THSD4: variants seen among roughly 807,000 people sequenced by gnomAD.
THSD4 encodes the protein thrombospondin type-1 domain-containing protein 4.
Under a neutral mutation model 119.0 loss-of-function variants are expected in THSD4, and 69 were observed. That is an observed-to-expected ratio of 0.58 (90% CI 0.48 to 0.71). The LOEUF is 0.71. THSD4 is among the 30% of genes least tolerant of loss of function. The pLI is 0.00. For missense variants in THSD4, 1,393 were observed against 1,391.1 expected (o/e 1.00, Z -0.02); for synonymous variants, 524 against 540.4 (o/e 0.97, Z 0.42).
intron 7 of THSD4, among the ~76,000 whole-genome samples, chr15:71,476,646 G>A (rs1188776068): frequency 6.6e-6 from 1 of 152,172 alleles, no homozygotes; most frequent in African/African-American, 2.4e-5. Context: ...TGTCTTCAAG[G>A]CAACAAGGCA....
At chr15:71,331,849 C>T (rs913133030) in intron 6 of THSD4, among the ~76,000 whole-genome samples, 2 of 142,362 alleles carry the variant, frequency 1.4e-5, no homozygotes, top group African/African-American at 5.2e-5. Flanking sequence ...GGACTGCCTA[C>T]TTGTCCCTTG....
chr15:71,615,890 T>C (rs1323511338), intron 7 of THSD4, among the ~76,000 whole-genome samples: 2 of 152,180 alleles, frequency 1.3e-5, no homozygotes, highest in African/African-American at 4.8e-5. Context: ...TGGATGAATA[T>C]GTTCTCAGAG....
rs867027776 is a variant in THSD4, at chr15:71,250,026, C to T, written c.913-6587C>T. Among the ~76,000 whole-genome samples, 4 of 152,296 alleles carry T rather than the reference C, an allele frequency of 2.6e-5. No homozygotes were observed. In the South Asian group the frequency reaches 6.2e-4, roughly 24 times the overall value. On this transcript the variant is annotated intron_variant, in intron 5 of 17. Transcript: ENST00000261862. ...AAAAATCAGTTAACTCCTTCCTTTG[C>T]AAGGTTAGAAATGTTGTGTCCAAAC...
chr15:71,369,448 T>C (rs1184091701), intron 6 of THSD4, among the ~76,000 whole-genome samples: 1 of 152,234 alleles, frequency 6.6e-6, no homozygotes, highest in African/African-American at 2.4e-5. Context: ...TATTTTGAGA[T>C]ACGTCCCATC....
chr15:71,755,559 T>C (rs952796007), intron 14 of THSD4, among the ~76,000 whole-genome samples: 1 of 151,960 alleles, frequency 6.6e-6, no homozygotes, highest in Non-Finnish European at 1.5e-5. Context: ...TAGAAAGTGC[T>C]AATAGATAAG....
chr15:71,357,018 G>A (rs1440696780), intron 6 of THSD4, among the ~76,000 whole-genome samples: 1 of 152,202 alleles, frequency 6.6e-6, no homozygotes, highest in African/African-American at 2.4e-5. Context: ...TTTGGGGTAA[G>A]AAGAGCATAT....
chr15:71,525,413 G>A (rs2048504351), intron 7 of THSD4, among the ~76,000 whole-genome samples: 1 of 152,192 alleles, frequency 6.6e-6, no homozygotes, highest in African/African-American at 2.4e-5. Context: ...GGTAAGACTT[G>A]CAAGTGGAAA....
chr15:71,562,698 CT>C (rs34555744), intron 7 of THSD4, among the ~76,000 whole-genome samples: 10 of 125,268 alleles, frequency 8.0e-5, no homozygotes, highest in African/African-American at 2.9e-4. Context: ...ACCTTTGGTC[CT>C]TTTTTTTTTT....
chr15:71,153,127 T>G (rs2040741609), intron 2 of THSD4, among the ~76,000 whole-genome samples: 1 of 152,196 alleles, frequency 6.6e-6, no homozygotes, highest in Non-Finnish European at 1.5e-5. Context: ...GCACCAATCC[T>G]TGTACCCCCA....
intron 3 of THSD4, among the ~76,000 whole-genome samples, chr15:71,193,512 GA>G (rs776398337): frequency 4.7e-4 from 72 of 152,210 alleles, no homozygotes; most frequent in Middle Eastern, 3.4e-3. Context: ...CCAGGTCACA[GA>G]ACCTTGGTTA....
chr15:71,729,582 C>G (rs528001852), intron 9 of THSD4: 2 of 151,872 alleles, frequency 1.3e-5, no homozygotes, highest in African/African-American at 2.4e-5. Context: ...CTAGTAGACT[C>G]GAAATTACAA....
intron 7 of THSD4, among the ~76,000 whole-genome samples, chr15:71,565,216 T>C (rs529672525): frequency 6.6e-6 from 1 of 152,300 alleles, no homozygotes; most frequent in African/African-American, 2.4e-5. Context: ...CAGGCTGAAG[T>C]CCTGGGCACA....
At chr15:71,262,636 G>C (rs1318508696) in intron 6 of THSD4, among the ~76,000 whole-genome samples, 1 of 21,240 alleles carries the variant, frequency 4.7e-5, no homozygotes, top group Non-Finnish European at 9.8e-5. Flanking sequence ...GTGTGTCCCT[G>C]AGAGCTGAAC....
intron 7 of THSD4, among the ~76,000 whole-genome samples, chr15:71,554,255 A>AATTTTTTTTTTTGT (rs565103964): frequency 2.6e-3 from 399 of 150,682 alleles, no homozygotes; most frequent in Admixed American, 6.2e-3. Context: ...ATGCCCGGCT[A>AATTTTTTTTTTTGT]ATTTTTTTTT....
chr15:71,589,650 A>G (rs2049757716), intron 7 of THSD4, among the ~76,000 whole-genome samples: 1 of 139,692 alleles, frequency 7.2e-6, no homozygotes, highest in African/African-American at 2.5e-5. Context: ...GAGCCACTAC[A>G]CTTGGCCTAA....
intron 7 of THSD4, among the ~76,000 whole-genome samples, chr15:71,452,941 C>A (rs1187664092): frequency 6.6e-6 from 1 of 152,084 alleles, no homozygotes; most frequent in African/African-American, 2.4e-5. Context: ...TAGATGAGGT[C>A]ATGAGGATAG....
intron 4 of THSD4, among the ~76,000 whole-genome samples, chr15:71,234,008 A>T (rs764790259): frequency 6.6e-6 from 1 of 152,116 alleles, no homozygotes; most frequent in African/African-American, 2.4e-5. Flanking sequence ...GCTGTTGGCC[A>T]CCTTCCACCC....
At chr15:71,350,141 TAAAA>T (rs3086680) in intron 6 of THSD4, among the ~76,000 whole-genome samples, 98 of 111,160 alleles carry the variant, frequency 8.8e-4, no homozygotes, top group Middle Eastern at 5.3e-3. Flanking sequence ...TGCAAATTAC[TAAAA>T]AAAAAAAAAA....
At chr15:71,713,380 A>G (rs2052550970) in intron 8 of THSD4, among the ~76,000 whole-genome samples, 1 of 152,094 alleles carries the variant, frequency 6.6e-6, no homozygotes, top group South Asian at 2.1e-4. Flanking sequence ...AGGCTGTTGT[A>G]TGGAGGTCAC....
Sources: allele counts gnomAD v4.1 joint callset (sites outside exome capture counted in the v4.1 genomes callset), GRCh38; gene constraint gnomAD v4.1.1; transcripts MANE v1.5; gene names NCBI Gene and HGNC (gene_info 2026-07-23, HGNC 2026-07-21).